Variants in SP5 observed in about 807,000 individuals in gnomAD.
The protein encoded by SP5 is Sp5 transcription factor.
In SP5, 12 loss-of-function variants were observed where a neutral mutation model predicts 27.4. That is an observed-to-expected ratio of 0.44 (90% confidence interval 0.28 to 0.71). The LOEUF (loss-of-function observed/expected upper bound fraction) is 0.71, where lower values mean the gene tolerates loss of function less well. Among genes scored for constraint, SP5 ranks in the 30% least tolerant of loss-of-function variants. The pLI is 0.15. For missense variants in SP5, 660 were observed against 589.8 expected (o/e 1.12, Z -1.23); for synonymous variants, 330 against 290.7 (o/e 1.14, Z -1.38).
At position 170,717,062 on chromosome 2, in the gene SP5, C is replaced by T; in HGVS notation, c.855C>T (p.Ala285=). 1 of 1,552,436 alleles carries T rather than the reference C, an allele frequency of 6.4e-7. No individual in the cohort carries two copies. Among genetic ancestry groups the T allele is most frequent in the Non-Finnish European group, 8.7e-7 (1 of 1,149,058 alleles). ...RCPNCQAAGG[A]PEAEPGKKKQ... is the part of the protein sequence containing the mutation. ...CCAACTGCCAGGCGGCGGGCGGCGC[C>T]CCCGAGGCGGAGCCGGGGAAGAAGA... The change falls in exon 2 of 2, where the codon GCC becomes GCT. Residue 285 remains alanine (A), a synonymous_variant. Coordinates refer to ENST00000375281, the MANE Select transcript of SP5 (RefSeq NM_001003845.3).
chr2:170,717,247 T>C lies in SP5; in HGVS notation c.1040T>C (p.Leu347Pro). 2 of 1,609,996 alleles carry C rather than the reference T, an allele frequency of 1.2e-6. No individual in the cohort carries two copies. The highest frequency in any genetic ancestry group is 8.5e-7 in the Non-Finnish European group (1 of 1,179,512). Residue 347 changes from leucine (L) to proline (P), a missense_variant, in exon 2 of 2, where the codon CTG becomes CCG. Physicochemically the swap from Leu to Pro is moderately conservative, Grantham distance 98. Transcript: ENST00000375281. ...FTRSDELQRH[L>P]RTHTGEKRFA... Reference sequence around the variant, plus strand: ...CGCTCGGACGAGCTGCAGCGGCACCTGCGGACTCACACGGGCGAGAAGCGC... The same window carrying C: ...CGCTCGGACGAGCTGCAGCGGCACCCGCGGACTCACACGGGCGAGAAGCGC...
At position 170,715,424 on chromosome 2, in the gene SP5, G is replaced by C; in HGVS notation, c.-89G>C. 1 of 1,506,154 alleles carries C rather than the reference G, an allele frequency of 6.6e-7. No individual in the cohort carries two copies. The highest frequency in any genetic ancestry group is 8.9e-7 in the Non-Finnish European group (1 of 1,125,514). The allele number at this position is 1,506,154 out of a possible 1,614,324, so 93.3% of individuals were successfully genotyped here. On this transcript the variant is annotated 5_prime_UTR_variant, in exon 1 of 2. Coordinates refer to ENST00000375281, the MANE Select transcript of SP5 (RefSeq NM_001003845.3). ...GCTCAGAGCAGGCGCCAGGGAGGCA[G>C]GCTGGGCGGCCCTTCGTCCTCGCCT...
rs1289083832 is a variant in SP5 at position 170,715,729 on chromosome 2, C to T, written c.51+166C>T. ...CAACTTCACACCTAATCCGGTGTGG[C>T]CTTTGCTGGAGGGACGCGTGGATCC... On this transcript the variant is annotated intron_variant, in intron 1 of 1. Coordinates refer to ENST00000375281, the MANE Select transcript of SP5 (RefSeq NM_001003845.3). 4.1e-6 allele frequency: 4 copies of T among 985,302 alleles called. No homozygotes were observed. The East Asian group carries it at 3.4e-4, about 84-fold the overall frequency. The allele number at this position is 985,302 out of a possible 1,614,324, so 61.0% of individuals were successfully genotyped here.
Position 170,717,515 on chromosome 2 carries a change from C to A in SP5, c.*111C>A. 1 of 1,394,902 alleles carries A rather than the reference C, an allele frequency of 7.2e-7. No homozygotes were observed. The highest frequency in any genetic ancestry group is 9.6e-7 in the Non-Finnish European group (1 of 1,038,508). The allele number at this position is 1,394,902 out of a possible 1,614,324, so 86.4% of individuals were successfully genotyped here. ...GACGGACCCTCTCCGTTGCCTGCCT[C>A]CCAAAATGGAGCCAGGCTTCCAACT... On this transcript the variant is annotated 3_prime_UTR_variant, in exon 2 of 2. Coordinates refer to ENST00000375281, the MANE Select transcript of SP5 (RefSeq NM_001003845.3).
chr2:170,717,686 AGTTTCG>A lies in SP5; in HGVS notation c.*284_*289del, dbSNP rs1416088472. ...CGTTCCCACCGTCAGGGAGACCTAC[AGTTTCG>A]GGGGACCACCCTGGTCTGGCCTTGT... On this transcript the variant is annotated 3_prime_UTR_variant, in exon 2 of 2. Coordinates refer to ENST00000375281, the MANE Select transcript of SP5 (RefSeq NM_001003845.3). 2.1e-5 allele frequency: 11 copies of A among 532,276 alleles called. No homozygotes were observed. The highest frequency in any genetic ancestry group is 3.7e-5 in the Non-Finnish European group (11 of 297,654). The allele number at this position is 532,276 out of a possible 1,614,324, so 33.0% of individuals were successfully genotyped here.
rs1700036237 is a variant in SP5, at chr2:170,715,349, G to C, written c.-164G>C. The C allele has an allele frequency of 4.5e-6, 4 of 882,498 alleles. No homozygotes were observed. The highest frequency in any genetic ancestry group is 6.3e-6 in the Non-Finnish European group (4 of 633,444). The allele number at this position is 882,498 out of a possible 1,614,324, so 54.7% of individuals were successfully genotyped here. A position where few individuals can be genotyped will look rare whatever the true frequency, so the allele number is the denominator to read the frequency against. Reference sequence around the variant, plus strand: ...TCCTGAAGCGCTCAGACCGCGCGCGGGGCGAGCGAGCGGGGCGCGGCGAGG... The same window carrying C: ...TCCTGAAGCGCTCAGACCGCGCGCGCGGCGAGCGAGCGGGGCGCGGCGAGG... On this transcript the variant is annotated 5_prime_UTR_variant, in exon 1 of 2. Transcript: ENST00000375281.
At chr2:170,715,943 C>T in intron 1 of SP5, 1 of 1,344,734 alleles carries the variant, frequency 7.4e-7, no homozygotes, top group Non-Finnish European at 9.5e-7. Flanking sequence ...TCTTACTGAC[C>T]ACGGAGCCGG....
At position 170,717,479 on chromosome 2, in the gene SP5, G is replaced by T. The variant is rs1700095690; in HGVS notation, c.*75G>T. 3.9e-6 allele frequency: 6 copies of T among 1,554,164 alleles called. No individual in the cohort carries two copies. The highest frequency in any genetic ancestry group is 4.3e-6 in the Non-Finnish European group (5 of 1,154,508). On this transcript the variant is annotated 3_prime_UTR_variant, in exon 2 of 2. Transcript: ENST00000375281. Reference sequence around the variant, plus strand: ...GGACCTGTGGGCAGCTGGCGGAGGGGAGACTCAGCAGACGGACCCTCTCCG... The same window carrying T: ...GGACCTGTGGGCAGCTGGCGGAGGGTAGACTCAGCAGACGGACCCTCTCCG...
rs372466407 is a variant in SP5 at position 170,717,057 on chromosome 2, G to C, written c.850G>C (p.Gly284Arg). ...CTGTCCCAACTGCCAGGCGGCGGGC[G>C]GCGCCCCCGAGGCGGAGCCGGGGAA... is the stretch of plus-strand genomic sequence containing the variant. Reference protein sequence around the residue: ...CRCPNCQAAGGAPEAEPGKKK... With the variant: ...CRCPNCQAAGRAPEAEPGKKK... The change falls in exon 2 of 2, where the codon GGC becomes CGC. Residue 284 changes from glycine (G) to arginine (R), a missense_variant. Coordinates refer to ENST00000375281, the MANE Select transcript of SP5 (RefSeq NM_001003845.3). The C allele has an allele frequency of 1.3e-6, 2 of 1,550,782 alleles. No homozygotes were observed. Among genetic ancestry groups the C allele is most frequent in the South Asian group, 1.2e-5 (1 of 84,430 alleles).
rs1285503872 is a variant in SP5 at position 170,715,626 on chromosome 2, G to A, written c.51+63G>A. 15 of 1,521,908 alleles carry A rather than the reference G, an allele frequency of 9.9e-6. No individual in the cohort carries two copies. The East Asian group carries it at 3.9e-4, about 40-fold the overall frequency. 94.3% of individuals were successfully genotyped at this position (1,521,908 alleles called of 1,614,324 possible). On this transcript the variant is annotated intron_variant, in intron 1 of 1. Coordinates refer to ENST00000375281, the MANE Select transcript of SP5 (RefSeq NM_001003845.3). ...AAAGGGCCGTGTCCGGATCTCTCCTGGTACTCCGTGCACCTTGAACCTCAA... is the reference window on the plus strand; with the variant it reads ...AAAGGGCCGTGTCCGGATCTCTCCTAGTACTCCGTGCACCTTGAACCTCAA...
At chr2:170,715,796 G>C in intron 1 of SP5, 1 of 985,426 alleles carries the variant, frequency 1.0e-6, no homozygotes, top group Non-Finnish European at 1.2e-6. Context: ...AACAGGACCG[G>C]AGCTCACCCT....
chr2:170,715,480 C>G lies in SP5; in HGVS notation c.-33C>G, dbSNP rs1224554032. The G allele has an allele frequency of 1.6e-5, 25 of 1,543,266 alleles. No individual in the cohort carries two copies. Among genetic ancestry groups the G allele is most frequent in the Non-Finnish European group, 2.0e-5 (23 of 1,145,198 alleles). ...TGTCCATGCCTCGGCGGCGGCGTCC[C>G]GCTCCGCAGCCAGGGGCCTGCAAGC... On this transcript the variant is annotated 5_prime_UTR_variant, in exon 1 of 2. Coordinates refer to ENST00000375281, the MANE Select transcript of SP5 (RefSeq NM_001003845.3).
chr2:170,716,211 G>C (rs780161434), intron 1 of SP5, 48 bp from the exon 2 acceptor site: 1 of 1,549,810 alleles, frequency 6.5e-7, no homozygotes, highest in Non-Finnish European at 8.6e-7. Flanking sequence ...GTCCGCGCTT[G>C]GAGCTAACCT....
rs1700065176 is a variant in SP5 at position 170,716,320 on chromosome 2, C to T, written c.113C>T (p.Ala38Val). The change falls in exon 2 of 2, where the codon GCC becomes GTC. Residue 38 changes from alanine to valine, a missense_variant. Ala to Val is a moderately conservative substitution (Grantham distance 64). Coordinates refer to ENST00000375281, the MANE Select transcript of SP5 (RefSeq NM_001003845.3). The stretch of plus-strand genomic sequence containing the variant: ...CACTCGCCCCTGGCATTGCTGGCCG[C>T]CACCTGTAGCCGCATCGGCCAGCCG... Reference protein sequence around the residue: ...GKHSPLALLAATCSRIGQPGA... With the variant: ...GKHSPLALLAVTCSRIGQPGA... The T allele has an allele frequency of 2.5e-6, 4 of 1,595,650 alleles. No individual in the cohort carries two copies. Among genetic ancestry groups the T allele is most frequent in the South Asian group, 2.2e-5 (2 of 90,828 alleles).
chr2:170,715,990 G>C, intron 1 of SP5: 1 of 1,353,416 alleles, frequency 7.4e-7, no homozygotes, highest in Non-Finnish European at 9.4e-7. Flanking sequence ...CCCACTTCGC[G>C]CCTGCTTCCT....
chr2:170,716,199 G>C, intron 1 of SP5, 60 bp from the exon 2 acceptor site: 1 of 1,537,368 alleles, frequency 6.5e-7, no homozygotes, highest in East Asian at 2.4e-5. Flanking sequence ...GGCTGGCCCG[G>C]AGTCCGCGCT....
In SP5 at chr2:170,717,901, G is replaced by A. The variant is rs1700103215; in HGVS notation, c.*497G>A. 1 of 157,424 alleles carries A rather than the reference G, an allele frequency of 6.4e-6. No homozygotes were observed. Among genetic ancestry groups the A allele is most frequent in the Non-Finnish European group, 1.4e-5 (1 of 71,666 alleles). 9.8% of individuals were successfully genotyped at this position (157,424 alleles called of 1,614,324 possible). ...GTCTTCAGCTCCATGCAGAGCTACA[G>A]CATGATATGTCTCTGTAAAGTGATC... is the stretch of plus-strand genomic sequence containing the variant. On this transcript the variant is annotated 3_prime_UTR_variant, in exon 2 of 2. Coordinates refer to ENST00000375281, the MANE Select transcript of SP5 (RefSeq NM_001003845.3).
intron 1 of SP5, 189 bp from the exon 2 acceptor site, chr2:170,716,070 T>C (rs1861464): frequency 0.32 from 448,137 of 1,397,350 alleles, 75,072 homozygotes; most frequent in South Asian, 0.35. Flanking sequence ...CACGTTCAGG[T>C]AGCGCAGGCA....
chr2:170,716,604 T>C lies in SP5; in HGVS notation c.397T>C (p.Ser133Pro), dbSNP rs1255545016. ...YEFSPVKMLP[S>P]SMAALPASCA... ...GTTCTCGCCGGTCAAGATGCTGCCC[T>C]CGAGCATGGCGGCTCTGCCCGCCAG... The change falls in exon 2 of 2, where the codon TCG becomes CCG. Residue 133 changes from serine (S) to proline (P), a missense_variant. Physicochemically the swap from Ser to Pro is moderately conservative, Grantham distance 74 (BLOSUM62 -1). Transcript: ENST00000375281. 2 of 1,609,572 alleles carry C rather than the reference T, an allele frequency of 1.2e-6. No individual in the cohort carries two copies. Among genetic ancestry groups the C allele is most frequent in the East Asian group, 4.5e-5 (2 of 44,720 alleles).
Sources: allele counts gnomAD v4.1 joint callset, GRCh38; gene constraint gnomAD v4.1.1; transcripts MANE v1.5; gene names NCBI Gene and HGNC (gene_info 2026-07-23, HGNC 2026-07-21).